The following SH3KBP1 variants were observed in gnomAD, a reference collection of about 807,000 sequenced individuals.
The protein encoded by SH3KBP1 is SH3 domain containing kinase binding protein 1.
A neutral mutation model predicts 50.1 loss-of-function variants in SH3KBP1; 8 were observed. The observed-to-expected ratio is 0.16, with a 90% CI of 0.09 to 0.29. The LOEUF is 0.29. SH3KBP1 is among the 10% of genes least tolerant of loss of function. The pLI, the probability that SH3KBP1 is intolerant of heterozygous loss-of-function variation, is 1.00. For synonymous variants in SH3KBP1, 227 were observed against 218.6 expected, an observed-to-expected ratio of 1.04 and a Z score of -0.34; for missense variants, 377 against 535.2, an observed-to-expected ratio of 0.70 and a Z score of 2.92.
chrX:19,737,909 A>G (rs1443621242), intron 3 of SH3KBP1, among the ~76,000 whole-genome samples: 2 of 105,107 alleles, frequency 1.9e-5, no homozygotes, highest in African/African-American at 3.6e-5. Context: ...TTCTCCTAGC[A>G]TCATCTAACT....
At chrX:19,742,666 C>G (rs2064805074) in intron 3 of SH3KBP1, among the ~76,000 whole-genome samples, 1 of 111,223 alleles carries the variant, frequency 9.0e-6, no homozygotes, top group Admixed American at 9.5e-5. Flanking sequence ...AAAAAAGTCT[C>G]TATATATCAA....
intron 12 of SH3KBP1, among the ~76,000 whole-genome samples, chrX:19,574,958 C>T (rs747130448): frequency 9.0e-6 from 1 of 111,581 alleles, no homozygotes; most frequent in African/African-American, 3.3e-5. Context: ...AGAAACAAAC[C>T]CTGCAGCTAC....
chrX:19,742,772 T>G (rs927386539), intron 3 of SH3KBP1, among the ~76,000 whole-genome samples: 1 of 112,191 alleles, frequency 8.9e-6, no homozygotes, highest in Admixed American at 9.4e-5. Flanking sequence ...CATACAACTC[T>G]TTTCTGTCTG....
chrX:19,781,695 T>C (rs2066185888), intron 2 of SH3KBP1, among the ~76,000 whole-genome samples: 1 of 109,841 alleles, frequency 9.1e-6, no homozygotes, highest in Non-Finnish European at 1.9e-5. Context: ...GCAGTGAAGC[T>C]GGGAGTGGGA....
chrX:19,717,745 T>C (rs765089973), intron 3 of SH3KBP1, among the ~76,000 whole-genome samples: 5 of 111,685 alleles, frequency 4.5e-5, no homozygotes, highest in Non-Finnish European at 9.4e-5. Context: ...TAATACTAAA[T>C]AATGCTAATC....
chrX:19,582,448 T>C (rs2066405889), intron 12 of SH3KBP1, among the ~76,000 whole-genome samples: 1 of 111,890 alleles, frequency 8.9e-6, no homozygotes, highest in South Asian at 3.7e-4. Context: ...CTCCGGCCCC[T>C]CCTTCCTCGG....
chrX:19,547,155 GA>G lies in SH3KBP1; in HGVS notation c.1495-1106del, dbSNP rs150244509. On this transcript the variant is annotated intron_variant, in intron 14 of 17. Coordinates refer to ENST00000397821, the MANE Select transcript of SH3KBP1 (RefSeq NM_031892.3). ...GGACAAAAGAGTGGGACCCTGTCTG[GA>G]AAAAAAAAAAAAATTCTGGACCAAT... 5.7e-3 allele frequency among the ~76,000 whole-genome samples: 568 copies of G among 99,441 alleles called. 3 individuals carry two copies. In the East Asian group the frequency reaches 0.06, roughly 11 times the overall value. The allele number at this position is 99,441 out of a possible 115,157, so 86.4% of individuals were successfully genotyped here.
At chrX:19,791,559 G>A (rs1337035055) in intron 2 of SH3KBP1, among the ~76,000 whole-genome samples, 1 of 109,281 alleles carries the variant, frequency 9.2e-6, no homozygotes, top group Non-Finnish European at 1.9e-5. Flanking sequence ...AAACCAAGAG[G>A]GAGGGGAGTA....
chrX:19,751,245 C>T (rs1039103467), intron 2 of SH3KBP1, among the ~76,000 whole-genome samples: 1 of 112,132 alleles, frequency 8.9e-6, no homozygotes, highest in Non-Finnish European at 1.9e-5. Context: ...TGTATATCTG[C>T]CAACAGCCAA....
At chrX:19,652,094 G>A (rs1474637151) in intron 6 of SH3KBP1, among the ~76,000 whole-genome samples, 2 of 111,126 alleles carry the variant, frequency 1.8e-5, no homozygotes, top group African/African-American at 3.3e-5. Flanking sequence ...GAGAGGAGAC[G>A]TCCTCCTTGA....
chrX:19,635,307 A>G (rs990312238), intron 7 of SH3KBP1, among the ~76,000 whole-genome samples: 5 of 110,556 alleles, frequency 4.5e-5, no homozygotes, highest in Admixed American at 2.9e-4. Context: ...TCCTCAGCAG[A>G]CTGACACAGG....
chrX:19,599,799 C>T, intron 9 of SH3KBP1, among the ~76,000 whole-genome samples: 1 of 111,298 alleles, frequency 9.0e-6, no homozygotes, highest in Non-Finnish European at 1.9e-5. Flanking sequence ...TAGACTGTCC[C>T]CCTCCCCAAA....
intron 14 of SH3KBP1, among the ~76,000 whole-genome samples, chrX:19,549,512 G>A (rs1045575383): frequency 9.0e-6 from 1 of 111,535 alleles, no homozygotes; most frequent in Non-Finnish European, 1.9e-5. Flanking sequence ...GAAGGTCTGC[G>A]TGGTATTCTG....
In SH3KBP1 at chrX:19,587,333, G is replaced by A. The variant is rs115153234; in HGVS notation, c.1298+1310C>T. 6.1e-3 allele frequency among the ~76,000 whole-genome samples: 682 copies of A among 111,084 alleles called. 2 individuals carry two copies. Among genetic ancestry groups the A allele is most frequent in the Middle Eastern group, 0.028 (6 of 217 alleles). ...TAGAATGGCGGCTGCCAGGGGCTGG[G>A]AGAGGGGGTAAATGGGGAGTCACTG... On this transcript the variant is annotated intron_variant, in intron 12 of 17. Transcript: ENST00000397821.
chrX:19,541,737 A>G (rs1279740521), intron 16 of SH3KBP1, among the ~76,000 whole-genome samples, 188 bp downstream of exon 16: 2 of 111,746 alleles, frequency 1.8e-5, no homozygotes, highest in African/African-American at 6.5e-5. Flanking sequence ...CAGCAAAAAC[A>G]TGCAGCATAA....
intron 6 of SH3KBP1, among the ~76,000 whole-genome samples, chrX:19,668,373 G>A (rs1602931030): frequency 9.2e-6 from 1 of 108,339 alleles, no homozygotes; most frequent in Admixed American, 9.9e-5. Context: ...CAGGTGTGGT[G>A]GCGGGCGCCT....
chrX:19,854,736 C>T (rs186902611), intron 1 of SH3KBP1, among the ~76,000 whole-genome samples: 1 of 110,918 alleles, frequency 9.0e-6, no homozygotes, highest in East Asian at 2.9e-4. Context: ...CCCACACGAT[C>T]TTCCCCCAAG....
At chrX:19,777,072 C>T (rs1168201781) in intron 2 of SH3KBP1, among the ~76,000 whole-genome samples, 1 of 111,812 alleles carries the variant, frequency 8.9e-6, no homozygotes, top group African/African-American at 3.3e-5. Context: ...TCTCCCTTAA[C>T]CCTCTCCAGC....
chrX:19,592,288 G>A (rs969082873), intron 10 of SH3KBP1, 141 bp from the exon 11 acceptor site: 27 of 492,128 alleles, frequency 5.5e-5, no homozygotes, highest in African/African-American at 4.0e-4. Context: ...TATCTGGCAA[G>A]CACGAGCTGT....
Sources: allele counts gnomAD v4.1 joint callset (sites outside exome capture counted in the v4.1 genomes callset), GRCh38; gene constraint gnomAD v4.1.1; transcripts MANE v1.5; gene names NCBI Gene and HGNC (gene_info 2026-07-23, HGNC 2026-07-21).